The following WWOX variants were observed in gnomAD, a reference collection of about 807,000 sequenced individuals.
The protein encoded by WWOX is WW domain containing oxidoreductase.
Under a neutral mutation model 46.2 loss-of-function variants are expected in WWOX, and 69 were observed. The observed-to-expected ratio is 1.49, with a 90% confidence interval of 1.23 to 1.82. WWOX has a LOEUF of 1.82. Ranked by LOEUF, WWOX falls within the 40% of genes most tolerant of loss-of-function variation. The pLI is 0.00. For missense variants in WWOX, 919 were observed against 542.6 expected, an observed-to-expected ratio of 1.69 and a Z score of -6.89; for synonymous variants, 359 against 202.6, an observed-to-expected ratio of 1.77 and a Z score of -6.56.
At chr16:79,157,602 T>A (rs778344395) in intron 8 of WWOX, among the ~76,000 whole-genome samples, 2 of 152,180 alleles carry the variant, frequency 1.3e-5, no homozygotes, top group Non-Finnish European at 2.9e-5. Flanking sequence ...TATCTGGAGA[T>A]GTTTTAAAAT....
intron 8 of WWOX, among the ~76,000 whole-genome samples, chr16:79,026,679 G>C (rs952700859): frequency 6.9e-6 from 1 of 144,012 alleles, no homozygotes; most frequent in Non-Finnish European, 1.5e-5. Context: ...GTGCAGTGGC[G>C]CGATCTCAGC....
chr16:78,684,064 C>T (rs533719204), intron 8 of WWOX, among the ~76,000 whole-genome samples: 294 of 152,276 alleles, frequency 1.9e-3, no homozygotes, highest in Non-Finnish European at 3.6e-3. Flanking sequence ...AGTTTTGGCT[C>T]GCACATGCTT....
chr16:78,856,418 G>A (rs2052568013), intron 8 of WWOX, among the ~76,000 whole-genome samples: 1 of 152,262 alleles, frequency 6.6e-6, no homozygotes, highest in East Asian at 1.9e-4. Context: ...TGAGGCGGGT[G>A]GATAGCTTGA....
chr16:79,206,651 G>A (rs1364780430), intron 8 of WWOX: 1 of 152,164 alleles, frequency 6.6e-6, no homozygotes, highest in African/African-American at 2.4e-5. Flanking sequence ...GAGGACTTTG[G>A]AGTAGACATC....
chr16:78,292,627 TA>T (rs79365187), intron 5 of WWOX, among the ~76,000 whole-genome samples: 1 of 151,200 alleles, frequency 6.6e-6, no homozygotes, highest in East Asian at 2.0e-4. Flanking sequence ...CTTTTTTTTT[TA>T]AAAAAAAGGA....
chr16:78,173,534 G>C (rs1394822017), intron 5 of WWOX, among the ~76,000 whole-genome samples: 1 of 151,552 alleles, frequency 6.6e-6, no homozygotes, highest in Non-Finnish European at 1.5e-5. Context: ...CTCTGCTCAG[G>C]CGATCCTCCT....
At chr16:78,538,297 G>C (rs1361195963) in intron 8 of WWOX, among the ~76,000 whole-genome samples, 2 of 151,650 alleles carry the variant, frequency 1.3e-5, no homozygotes, top group Non-Finnish European at 2.9e-5. Context: ...TGGATGTCTG[G>C]GGTTGCACCT....
intron 8 of WWOX, among the ~76,000 whole-genome samples, chr16:78,998,316 T>C (rs1167374919): frequency 6.6e-6 from 1 of 152,214 alleles, no homozygotes; most frequent in Admixed American, 6.5e-5. Flanking sequence ...TTCTCCCTTC[T>C]CCACTGGGCT....
chr16:78,954,911 T>G (rs1407775565), intron 8 of WWOX, among the ~76,000 whole-genome samples: 3 of 152,148 alleles, frequency 2.0e-5, no homozygotes, highest in East Asian at 1.9e-4. Context: ...TGCCTCAGTT[T>G]CCTGAGTAGC....
At chr16:78,576,170 A>G (rs974025316) in intron 8 of WWOX, among the ~76,000 whole-genome samples, 7 of 152,176 alleles carry the variant, frequency 4.6e-5, no homozygotes, top group African/African-American at 7.2e-5. Context: ...TCAATATGCT[A>G]TGCATTTGAA....
At chr16:78,576,727 G>A (rs1289510065) in intron 8 of WWOX, among the ~76,000 whole-genome samples, 1 of 152,114 alleles carries the variant, frequency 6.6e-6, no homozygotes. Context: ...AGCTACTCAA[G>A]AGGCTAAAGG....
At chr16:78,387,688 T>A (rs1597145653) in intron 6 of WWOX, among the ~76,000 whole-genome samples, 3 of 152,294 alleles carry the variant, frequency 2.0e-5, no homozygotes, top group South Asian at 4.1e-4. Context: ...ATACTTTGTT[T>A]CCAAGTGTTT....
chr16:78,381,591 A>T (rs182250112), intron 5 of WWOX, among the ~76,000 whole-genome samples: 1 of 152,336 alleles, frequency 6.6e-6, no homozygotes, highest in African/African-American at 2.4e-5. Flanking sequence ...TTTAAAATAC[A>T]TTAACATTTC....
chr16:79,033,622 C>T (rs2047808835), intron 8 of WWOX, among the ~76,000 whole-genome samples: 1 of 152,030 alleles, frequency 6.6e-6, no homozygotes, highest in Non-Finnish European at 1.5e-5. Context: ...TAAGGGCATT[C>T]ATATTGTTGT....
intron 5 of WWOX, among the ~76,000 whole-genome samples, chr16:78,315,880 G>A (rs1313781467): frequency 6.6e-6 from 1 of 152,076 alleles, no homozygotes; most frequent in Non-Finnish European, 1.5e-5. Context: ...CACAGTAGAT[G>A]TATCTGTATT....
chr16:78,753,072 A>G (rs1312985925), intron 8 of WWOX, among the ~76,000 whole-genome samples: 1 of 151,950 alleles, frequency 6.6e-6, no homozygotes, highest in African/African-American at 2.4e-5. Context: ...AGGCGGGTGG[A>G]TCACCTGAGG....
chr16:78,900,847 G>GAAA (rs71979088), intron 8 of WWOX, among the ~76,000 whole-genome samples: 1 of 140,598 alleles, frequency 7.1e-6, no homozygotes, highest in African/African-American at 2.6e-5. Context: ...GCCTTTTTTT[G>GAAA]AAAAAAAAAA....
At chr16:78,971,324 A>C (rs1256172656) in intron 8 of WWOX, among the ~76,000 whole-genome samples, 3 of 151,802 alleles carry the variant, frequency 2.0e-5, no homozygotes, top group Non-Finnish European at 2.9e-5. Flanking sequence ...ATTAGGTGGC[A>C]GGCACTTGTA....
chr16:78,393,147 G>A (rs1361169008), intron 6 of WWOX, among the ~76,000 whole-genome samples: 2 of 152,136 alleles, frequency 1.3e-5, no homozygotes, highest in Non-Finnish European at 2.9e-5. Flanking sequence ...GTGTCCATAG[G>A]AGTATGAAGA....
Sources: allele counts gnomAD v4.1 joint callset (sites outside exome capture counted in the v4.1 genomes callset), GRCh38; gene constraint gnomAD v4.1.1; transcripts MANE v1.5; gene names NCBI Gene and HGNC (gene_info 2026-07-23, HGNC 2026-07-21).